Variants in MCUB observed in about 807,000 individuals in gnomAD.
The protein encoded by MCUB is mitochondrial calcium uniporter dominant negative subunit beta.
MCUB carries 46 observed loss-of-function variants against 41.4 expected under a neutral mutation model. The observed-to-expected ratio is 1.11, with a 90% confidence interval of 0.88 to 1.42. The LOEUF (loss-of-function observed/expected upper bound fraction) is 1.42. MCUB is among the 40% of genes most tolerant of loss of function. The probability of loss-of-function intolerance (pLI) is 0.00; values close to 1 mark genes in which losing one functional copy is unlikely to be tolerated. For synonymous variants in MCUB, 148 were observed against 148.2 expected, an observed-to-expected ratio of 1.00 and a Z score of 0.01; for missense variants, 403 against 404.9, an observed-to-expected ratio of 1.00 and a Z score of 0.04.
At chr4:109,574,903 G>A (rs1278933062) in intron 1 of MCUB, among the ~76,000 whole-genome samples, 1 of 152,192 alleles carries the variant, frequency 6.6e-6, no homozygotes, top group East Asian at 1.9e-4. Flanking sequence ...CCAACCCAGA[G>A]ATGGATTGGG....
chr4:109,661,141 AAAC>A, intron 3 of MCUB, among the ~76,000 whole-genome samples: 1 of 152,314 alleles, frequency 6.6e-6, no homozygotes, highest in Non-Finnish European at 1.5e-5. Flanking sequence ...ATTTTTTAAA[AAAC>A]CAGAAGTATG....
chr4:109,603,335 G>A (rs1727789464), intron 1 of MCUB, among the ~76,000 whole-genome samples: 1 of 152,218 alleles, frequency 6.6e-6, no homozygotes, highest in South Asian at 2.1e-4. Flanking sequence ...GACCTTGAGT[G>A]ATCTGCCTGC....
chr4:109,561,421 T>C (rs185253406), intron 1 of MCUB, among the ~76,000 whole-genome samples: 2 of 151,800 alleles, frequency 1.3e-5, no homozygotes, highest in South Asian at 2.1e-4. Flanking sequence ...TCAGTTTCAA[T>C]TGATGCAGGG....
At chr4:109,665,582 T>G (rs1729326289) in intron 4 of MCUB, among the ~76,000 whole-genome samples, 2 of 152,234 alleles carry the variant, frequency 1.3e-5, no homozygotes, top group African/African-American at 4.8e-5. Context: ...TTCATATACT[T>G]TAAATCTCTA....
chr4:109,594,071 G>A (rs1365084302), intron 1 of MCUB, among the ~76,000 whole-genome samples: 1 of 152,178 alleles, frequency 6.6e-6, no homozygotes, highest in Non-Finnish European at 1.5e-5. Context: ...AAAAGCCTGT[G>A]GGAAGAGGTA....
At position 109,679,325 on chromosome 4, in the gene MCUB, G is replaced by A. The variant is rs180857237; in HGVS notation, c.452-3257G>A. Among the ~76,000 whole-genome samples the A allele has an allele frequency of 6.7e-3, 1,016 of 152,326 alleles. 10 individuals are homozygous for A. Among genetic ancestry groups the A allele is most frequent in the African/African-American group, 0.023 (965 of 41,558 alleles). ...TGGGAGGTGGAGGTTGTAGTGAGCC[G>A]AGATCACGCCACTGCACTCCAGCCT... On this transcript the variant is annotated intron_variant, in intron 4 of 7. Transcript: ENST00000394650.
intron 1 of MCUB, among the ~76,000 whole-genome samples, chr4:109,600,994 C>T (rs983560565): frequency 1.3e-5 from 2 of 152,112 alleles, no homozygotes; most frequent in African/African-American, 4.8e-5. Flanking sequence ...AGGATTTCAC[C>T]ATATTGGTCA....
intron 1 of MCUB, among the ~76,000 whole-genome samples, chr4:109,655,344 T>C (rs1729067745): frequency 6.6e-6 from 1 of 152,156 alleles, no homozygotes; most frequent in African/African-American, 2.4e-5. Flanking sequence ...TTTAGGGACT[T>C]TCATGGAGGT....
intron 1 of MCUB, among the ~76,000 whole-genome samples, chr4:109,594,127 A>G (rs763354287): frequency 2.6e-4 from 39 of 152,260 alleles, no homozygotes; most frequent in Non-Finnish European, 4.4e-4. Context: ...CCTGCTGCCT[A>G]CTAGCCTGTC....
chr4:109,670,020 G>A (rs546235940), intron 4 of MCUB, among the ~76,000 whole-genome samples: 1 of 152,244 alleles, frequency 6.6e-6, no homozygotes, highest in African/African-American at 2.4e-5. Context: ...TCTGGCTCTC[G>A]TTCTGATGCT....
intron 1 of MCUB, among the ~76,000 whole-genome samples, chr4:109,627,917 GAAAAA>G (rs35135859): frequency 7.4e-6 from 1 of 135,444 alleles, no homozygotes. Flanking sequence ...TGTCTCAGAA[GAAAAA>G]AAAAAAAAAG....
intron 1 of MCUB, among the ~76,000 whole-genome samples, chr4:109,658,175 A>G (rs764414906): frequency 2.6e-5 from 4 of 152,272 alleles, no homozygotes; most frequent in African/African-American, 4.8e-5. Flanking sequence ...ACAAGTGTCT[A>G]CCATATCGGA....
intron 1 of MCUB, among the ~76,000 whole-genome samples, chr4:109,586,475 C>T (rs963397928): frequency 6.6e-6 from 1 of 152,196 alleles, no homozygotes; most frequent in Admixed American, 6.5e-5. Context: ...AAGTCATTCT[C>T]CGTCCAGCTT....
intron 1 of MCUB, among the ~76,000 whole-genome samples, chr4:109,575,414 CAAGTG>C (rs1222283609): frequency 6.6e-6 from 1 of 152,204 alleles, no homozygotes; most frequent in African/African-American, 2.4e-5. Context: ...GAAACCAACT[CAAGTG>C]TACTACTCAT....
intron 1 of MCUB, among the ~76,000 whole-genome samples, chr4:109,593,291 G>A (rs1727480971): frequency 7.0e-6 from 1 of 142,918 alleles, no homozygotes; most frequent in South Asian, 2.1e-4. Context: ...GAATCACTCG[G>A]ATAATAAGAA....
At chr4:109,679,033 G>T (rs922133717) in intron 4 of MCUB, among the ~76,000 whole-genome samples, 2 of 144,942 alleles carry the variant, frequency 1.4e-5, no homozygotes, top group Non-Finnish European at 3.0e-5. Flanking sequence ...GGGCAGAGGC[G>T]CTCCTCTCTT....
intron 1 of MCUB, among the ~76,000 whole-genome samples, chr4:109,643,540 C>T (rs1271226707): frequency 6.9e-6 from 1 of 145,474 alleles, no homozygotes; most frequent in African/African-American, 2.6e-5. Flanking sequence ...GTTCCACTCT[C>T]GTCTCCCAGG....
intron 1 of MCUB, among the ~76,000 whole-genome samples, chr4:109,604,620 T>C (rs887064546): frequency 8.5e-5 from 13 of 152,202 alleles, no homozygotes; most frequent in Admixed American, 6.5e-4. Context: ...CTTTCAGTTT[T>C]TCGTCATTCA....
rs538245203 is a variant in MCUB, at chr4:109,642,938, C to T, written c.100-16073C>T. 1.0e-4 allele frequency among the ~76,000 whole-genome samples: 15 copies of T among 143,390 alleles called. No homozygotes were observed. In the South Asian group the frequency reaches 2.2e-3, roughly 21 times the overall value. 94.1% of individuals were successfully genotyped at this position (143,390 alleles called of 152,430 possible). On this transcript the variant is annotated intron_variant, in intron 1 of 7. Transcript: ENST00000394650. ...TGAGTTGGAGTCTTGCACCATCACC[C>T]GGGCTGGAGTGCAATGGCGTAATTT...
Sources: gnomAD v4.1 joint callset for allele counts (sites outside exome capture counted in the v4.1 genomes callset) on GRCh38, gnomAD v4.1.1 for gene constraint, MANE v1.5 for transcripts, NCBI Gene and HGNC (gene_info 2026-07-23, HGNC 2026-07-21) for gene names.